IL1RAPL2: variants seen among roughly 807,000 people sequenced by gnomAD.
The protein encoded by IL1RAPL2 is X-linked interleukin-1 receptor accessory protein-like 2.
A neutral mutation model predicts 44.1 loss-of-function variants in IL1RAPL2; 3 were observed. That is an observed-to-expected ratio of 0.07 (90% CI 0.03 to 0.18). The LOEUF is 0.18. Ranked by LOEUF, IL1RAPL2 falls within the 10% of genes least tolerant of loss-of-function variation. IL1RAPL2 has a pLI of 1.00. For missense variants in IL1RAPL2, 391 were observed against 496.4 expected, an observed-to-expected ratio of 0.79 and a Z score of 2.02; for synonymous variants, 181 against 178.8, an observed-to-expected ratio of 1.01 and a Z score of -0.10.
intron 6 of IL1RAPL2, among the ~76,000 whole-genome samples, chrX:105,660,624 A>G (rs2037712917): frequency 9.0e-6 from 1 of 111,662 alleles, no homozygotes. Flanking sequence ...AAAGTTAAGA[A>G]GCAGAGGGAC....
chrX:105,580,362 G>GTTTT (rs149950677), intron 6 of IL1RAPL2, among the ~76,000 whole-genome samples: 2 of 84,649 alleles, frequency 2.4e-5, no homozygotes, highest in African/African-American at 4.3e-5. Flanking sequence ...AACCCCCCGT[G>GTTTT]TTTTTTTTTT....
chrX:105,213,272 G>A (rs782028144), intron 3 of IL1RAPL2, among the ~76,000 whole-genome samples: 1 of 109,260 alleles, frequency 9.2e-6, no homozygotes, highest in African/African-American at 3.3e-5. Flanking sequence ...CCAGTTTAGA[G>A]AGGAACATAA....
chrX:105,045,130 T>G (rs1239061883), intron 2 of IL1RAPL2, among the ~76,000 whole-genome samples: 1 of 110,767 alleles, frequency 9.0e-6, no homozygotes, highest in Admixed American at 9.7e-5. Context: ...GCTAAGCAAC[T>G]GAAAAAAATG....
chrX:104,850,300 G>GTA (rs1922192553), intron 2 of IL1RAPL2, among the ~76,000 whole-genome samples: 1 of 111,441 alleles, frequency 9.0e-6, no homozygotes, highest in Non-Finnish European at 1.9e-5. Flanking sequence ...TGGCTGAATT[G>GTA]TATAAGGAAA....
intron 2 of IL1RAPL2, among the ~76,000 whole-genome samples, chrX:104,883,473 G>T (rs1237882935): frequency 1.8e-5 from 2 of 111,376 alleles, no homozygotes; most frequent in South Asian, 7.7e-4. Flanking sequence ...ACAACAAGTT[G>T]GTTGACCCTG....
chrX:105,415,259 G>A (rs773162683), intron 5 of IL1RAPL2, among the ~76,000 whole-genome samples: 25 of 112,040 alleles, frequency 2.2e-4, no homozygotes, highest in African/African-American at 7.8e-4. Flanking sequence ...TATATCCACA[G>A]TAGTGAACAC....
intron 6 of IL1RAPL2, among the ~76,000 whole-genome samples, chrX:105,639,914 C>A (rs2037552282): frequency 9.0e-6 from 1 of 111,236 alleles, no homozygotes; most frequent in African/African-American, 3.3e-5. Flanking sequence ...TTTTCATGGT[C>A]CTCTGTGAGG....
chrX:104,919,816 C>G (rs1214935395), intron 2 of IL1RAPL2, among the ~76,000 whole-genome samples: 1 of 109,648 alleles, frequency 9.1e-6, no homozygotes, highest in Non-Finnish European at 1.9e-5. Flanking sequence ...GCTGGGATTA[C>G]AGATGTGAGC....
At chrX:105,147,264 A>G (rs1387878179) in intron 2 of IL1RAPL2, among the ~76,000 whole-genome samples, 1 of 111,550 alleles carries the variant, frequency 9.0e-6, no homozygotes, top group Non-Finnish European at 1.9e-5. Context: ...AGCTATTATT[A>G]CCTTCTCACT....
intron 1 of IL1RAPL2, among the ~76,000 whole-genome samples, chrX:104,609,637 G>A (rs972238725): frequency 1.8e-5 from 2 of 111,190 alleles, no homozygotes; most frequent in African/African-American, 3.3e-5. Context: ...CCGCTTGATC[G>A]AATCAGCTTT....
intron 5 of IL1RAPL2, among the ~76,000 whole-genome samples, chrX:105,383,085 G>A (rs918244368): frequency 7.4e-5 from 8 of 108,601 alleles, no homozygotes; most frequent in African/African-American, 1.7e-4. Context: ...AAACCTGCAC[G>A]TTGTGCACAT....
intron 2 of IL1RAPL2, among the ~76,000 whole-genome samples, chrX:104,937,331 A>T (rs955709028): frequency 2.7e-5 from 3 of 112,339 alleles, no homozygotes; most frequent in Non-Finnish European, 5.6e-5. Flanking sequence ...TCAGCAAGTA[A>T]GTGAGTAGCT....
intron 6 of IL1RAPL2, among the ~76,000 whole-genome samples, chrX:105,647,368 A>G (rs1220949810): frequency 2.7e-5 from 3 of 111,883 alleles, no homozygotes; most frequent in Non-Finnish European, 5.6e-5. Context: ...AGGGGACCTA[A>G]AGGGGGTTCC....
chrX:105,351,191 C>T (rs999920146), intron 5 of IL1RAPL2, among the ~76,000 whole-genome samples: 2 of 111,531 alleles, frequency 1.8e-5, no homozygotes, highest in African/African-American at 6.5e-5. Context: ...TAAATTACTT[C>T]GAACATTGTG....
intron 2 of IL1RAPL2, among the ~76,000 whole-genome samples, chrX:104,886,931 G>A (rs1923265199): frequency 8.9e-6 from 1 of 112,077 alleles, no homozygotes; most frequent in African/African-American, 3.2e-5. Flanking sequence ...CATGCAAGCA[G>A]GCTACTCTAG....
intron 6 of IL1RAPL2, among the ~76,000 whole-genome samples, chrX:105,640,673 T>TACAC (rs2037558960): frequency 1.1e-5 from 1 of 92,846 alleles, no homozygotes; most frequent in Non-Finnish European, 2.1e-5. Flanking sequence ...TATATATATA[T>TACAC]ATATATATAT....
At chrX:105,661,569 C>T (rs1319002881) in intron 6 of IL1RAPL2, among the ~76,000 whole-genome samples, 1 of 112,262 alleles carries the variant, frequency 8.9e-6, no homozygotes, top group East Asian at 2.8e-4. Flanking sequence ...AAATTATATT[C>T]AGAATCTTTT....
intron 4 of IL1RAPL2, among the ~76,000 whole-genome samples, chrX:105,246,075 C>A (rs750680650): frequency 2.7e-5 from 3 of 112,284 alleles, no homozygotes; most frequent in Admixed American, 9.5e-5. Flanking sequence ...AAACACATTT[C>A]TCTTTTCTCA....
chrX:105,597,782 G>T (rs2037222450), intron 6 of IL1RAPL2, among the ~76,000 whole-genome samples: 1 of 111,937 alleles, frequency 8.9e-6, no homozygotes, highest in African/African-American at 3.2e-5. Context: ...ATATCAGATG[G>T]CTAATGCCAA....
Sources: gnomAD v4.1 joint callset for allele counts (sites outside exome capture counted in the v4.1 genomes callset) on GRCh38, gnomAD v4.1.1 for gene constraint, MANE v1.5 for transcripts, NCBI Gene and HGNC (gene_info 2026-07-23, HGNC 2026-07-21) for gene names.